Variants in CEP83 observed in about 807,000 individuals in gnomAD.
The protein encoded by CEP83 is centrosomal protein of 83 kDa.
Under a neutral mutation model 101.9 loss-of-function variants are expected in CEP83, and 70 were observed. The ratio of observed to expected loss-of-function variants is 0.69; its 90% CI spans 0.57 to 0.84. CEP83 has a LOEUF of 0.84. CEP83 is among the 40% of genes least tolerant of loss of function. The pLI is 0.00. For synonymous variants in CEP83, 264 were observed against 267.9 expected (o/e 0.99, Z 0.14); for missense variants, 715 against 787.2 (o/e 0.91, Z 1.10).
chr12:94,350,606 TAAC>T (rs1392833389), intron 11 of CEP83, among the ~76,000 whole-genome samples: 4 of 150,560 alleles, frequency 2.7e-5, no homozygotes, highest in South Asian at 2.1e-4. Flanking sequence ...CATAGGGCAA[TAAC>T]AACAACAACA....
downstream of CEP83, chr12:94,306,814 C>CAGTT (rs1477697415): frequency 6.6e-6 from 1 of 152,142 alleles, no homozygotes; most frequent in African/African-American, 2.4e-5. Flanking sequence ...AGAAAATAAG[C>CAGTT]AGTTACTACC....
chr12:94,289,383 A>G, the CEP83 span, among the ~76,000 whole-genome samples: 1 of 152,218 alleles, frequency 6.6e-6, no homozygotes, highest in Non-Finnish European at 1.5e-5. Flanking sequence ...ATCGAATCCT[A>G]GAACCCTGTG....
In CEP83 at chr12:94,403,204, G is replaced by T; in HGVS notation, c.383C>A (p.Thr128Asn). The change falls in exon 5 of 17, where the codon ACT becomes AAT. Residue 128 changes from threonine to asparagine, a missense_variant. Transcript: ENST00000397809. ...ATTCCTAAAACGTTCTCTCATTGGA[G>T]TTTCTAATTCTTGTTGTATTTGGGC... Reference protein sequence around the residue: ...LRAQIQQELETPMRERFRNLD... With the variant: ...LRAQIQQELENPMRERFRNLD... The T allele has an allele frequency of 6.3e-7, 1 of 1,584,874 alleles. No individual in the cohort carries two copies. The highest frequency in any genetic ancestry group is 8.7e-7 in the Non-Finnish European group (1 of 1,154,330).
intron 1 of CEP83, among the ~76,000 whole-genome samples, chr12:94,458,692 C>T (rs1037338141): frequency 6.6e-6 from 1 of 152,098 alleles, no homozygotes; most frequent in Non-Finnish European, 1.5e-5. Context: ...GAGCCGAGAT[C>T]GCGCTACTGC....
chr12:94,364,139 CAG>C (rs879274248), intron 11 of CEP83, among the ~76,000 whole-genome samples: 7 of 152,076 alleles, frequency 4.6e-5, no homozygotes, highest in Admixed American at 2.0e-4. Context: ...TTAATGGGTA[CAG>C]AGTTTGTTTT....
chr12:94,457,303 T>G (rs1217899938), intron 1 of CEP83, among the ~76,000 whole-genome samples: 2 of 152,212 alleles, frequency 1.3e-5, no homozygotes, highest in African/African-American at 4.8e-5. Context: ...ACACATTCCC[T>G]AAAAGCACAT....
chr12:94,385,501 T>A (rs1043677681), intron 6 of CEP83, among the ~76,000 whole-genome samples: 1 of 152,120 alleles, frequency 6.6e-6, no homozygotes, highest in African/African-American at 2.4e-5. Context: ...CAGGTGAAGA[T>A]GTCTTTGTCT....
chr12:94,428,919 G>A (rs553559932), intron 2 of CEP83, among the ~76,000 whole-genome samples: 31 of 152,166 alleles, frequency 2.0e-4, no homozygotes, highest in African/African-American at 7.5e-4. Flanking sequence ...ACACTTTGTT[G>A]GATACAGGAA....
chr12:94,407,111 A>G (rs1475277586), intron 4 of CEP83, among the ~76,000 whole-genome samples: 1 of 152,140 alleles, frequency 6.6e-6, no homozygotes, highest in East Asian at 1.9e-4. Context: ...ACTAAAAATA[A>G]ATTAATAAAC....
At chr12:94,310,478 C>T (rs1251864038) in intron 15 of CEP83, among the ~76,000 whole-genome samples, 1 of 152,172 alleles carries the variant, frequency 6.6e-6, no homozygotes, top group Non-Finnish European at 1.5e-5. Context: ...AATAAAAATA[C>T]AGTTCATCCC....
chr12:94,417,318 TA>T (rs535512854), intron 2 of CEP83, among the ~76,000 whole-genome samples: 4 of 150,074 alleles, frequency 2.7e-5, no homozygotes, highest in African/African-American at 9.8e-5. Context: ...TCCCACCTCT[TA>T]AAAAAAAACA....
At chr12:94,451,292 C>T (rs1049457014) in intron 1 of CEP83, among the ~76,000 whole-genome samples, 54 of 152,148 alleles carry the variant, frequency 3.5e-4, no homozygotes, top group African/African-American at 1.3e-3. Flanking sequence ...GTACGTGCCA[C>T]ACACACAAAA....
At chr12:94,457,664 T>C (rs1015824215) in intron 1 of CEP83, among the ~76,000 whole-genome samples, 14 of 152,214 alleles carry the variant, frequency 9.2e-5, no homozygotes, top group African/African-American at 3.4e-4. Context: ...CATAAGGGTA[T>C]CTGACATAAA....
chr12:94,409,224 T>C (rs532211072), intron 4 of CEP83, among the ~76,000 whole-genome samples: 7 of 152,148 alleles, frequency 4.6e-5, no homozygotes, highest in Non-Finnish European at 8.8e-5. Context: ...TGTTTATATG[T>C]ATACATGATG....
chr12:94,373,989 A>T (rs2061414341), intron 8 of CEP83, among the ~76,000 whole-genome samples: 2 of 152,354 alleles, frequency 1.3e-5, no homozygotes, highest in East Asian at 3.9e-4. Flanking sequence ...ATGGTATTTA[A>T]TACTCCATTT....
chr12:94,387,836 C>G (rs2062242704), intron 6 of CEP83, among the ~76,000 whole-genome samples: 1 of 151,908 alleles, frequency 6.6e-6, no homozygotes, highest in Non-Finnish European at 1.5e-5. Context: ...AAATGCTTAA[C>G]ATCACTAATC....
intron 2 of CEP83, among the ~76,000 whole-genome samples, chr12:94,426,600 T>C (rs926294931): frequency 5.3e-5 from 8 of 152,312 alleles, no homozygotes; most frequent in African/African-American, 1.7e-4. Flanking sequence ...CAAACAATAG[T>C]GGGCTGAATG....
At chr12:94,370,797 T>C (rs1273552108) in intron 8 of CEP83, among the ~76,000 whole-genome samples, 1 of 152,094 alleles carries the variant, frequency 6.6e-6, no homozygotes, top group East Asian at 1.9e-4. Flanking sequence ...GAGACCAGCC[T>C]GGGCAACATA....
chr12:94,310,385 C>T (rs1398259070), intron 15 of CEP83, among the ~76,000 whole-genome samples: 1 of 151,244 alleles, frequency 6.6e-6, no homozygotes. Context: ...CACTCCTACC[C>T]TCCTACTCAC....
Sources: gnomAD v4.1 joint callset for allele counts (sites outside exome capture counted in the v4.1 genomes callset) on GRCh38, gnomAD v4.1.1 for gene constraint, MANE v1.5 for transcripts, NCBI Gene and HGNC (gene_info 2026-07-23, HGNC 2026-07-21) for gene names.